DNAJB12: variants seen among roughly 807,000 people sequenced by gnomAD.
DNAJB12 encodes the protein dnaJ homolog subfamily B member 12.
Under a neutral mutation model 40.6 loss-of-function variants are expected in DNAJB12, and 14 were observed. The ratio of observed to expected loss-of-function variants is 0.34; its 90% confidence interval spans 0.23 to 0.54. The LOEUF is 0.54. Ranked by LOEUF, DNAJB12 falls within the 20% of genes least tolerant of loss-of-function variation. The pLI is 0.92. For missense variants in DNAJB12, 444 were observed against 501.7 expected (o/e 0.89, Z 1.10); for synonymous variants, 181 against 199.5 (o/e 0.91, Z 0.78).
chr10:72,346,626 A>C (rs1001354624), intron 1 of DNAJB12, among the ~76,000 whole-genome samples: 1 of 149,992 alleles, frequency 6.7e-6, no homozygotes. Flanking sequence ...TGCCCGGCCT[A>C]ATTTTTGTAT....
At position 72,343,352 on chromosome 10, in the gene DNAJB12, C is replaced by T. The variant is rs1861689062; in HGVS notation, c.457+14G>A. The T allele has an allele frequency of 1.9e-6, 3 of 1,610,326 alleles. No homozygotes were observed. Among genetic ancestry groups the T allele is most frequent in the South Asian group, 2.2e-5 (2 of 90,388 alleles). On this transcript the variant is annotated intron_variant, in intron 3 of 8. Transcript: ENST00000444643. The stretch of plus-strand genomic sequence containing the variant: ...TGAACACACCAAAATGCTAGGAAAG[C>T]AGGGCTGGCTTACCTTTGAAGGCTT...
intron 1 of DNAJB12, among the ~76,000 whole-genome samples, chr10:72,349,615 G>C (rs1861884996): frequency 6.6e-6 from 1 of 152,172 alleles, no homozygotes; most frequent in African/African-American, 2.4e-5. Flanking sequence ...GGCTGAGCCT[G>C]GCAGATCCTA....
intron 2 of DNAJB12, 66 bp downstream of exon 2, chr10:72,344,868 GATGGGAGGTGGAGGAC>G: frequency 6.5e-7 from 1 of 1,529,176 alleles, no homozygotes; most frequent in Non-Finnish European, 9.0e-7. Context: ...CCCACAGGCA[GATGGGAGGTGGAGGAC>G]ATGCTCCAGG....
chr10:72,335,026 T>A lies in DNAJB12; in HGVS notation c.*31-409A>T. 1 of 1,042,114 alleles carries A rather than the reference T, an allele frequency of 9.6e-7. No homozygotes were observed. The highest frequency in any genetic ancestry group is 3.7e-5 in the South Asian group (1 of 26,976). 64.6% of individuals were successfully genotyped at this position (1,042,114 alleles called of 1,614,324 possible). A position where few individuals can be genotyped will look rare whatever the true frequency, so the allele number is the denominator to read the frequency against. ...GCAACTCTCATTTCCCCTCCACCCC[T>A]CCTGTGCTGAGCGGCTGCGTCTGAC... On this transcript the variant is annotated intron_variant, in intron 8 of 8. Transcript: ENST00000444643. The surrounding 1 kb of genome is among the most constrained non-coding windows in gnomAD (Gnocchi z 4.4).
chr10:72,338,273 G>A lies in DNAJB12; in HGVS notation c.762C>T (p.Leu254=). The change falls in exon 6 of 9, where the codon CTC becomes CTT. Residue 254 remains leucine (L), a synonymous_variant. Coordinates refer to ENST00000444643, the MANE Select transcript of DNAJB12 (RefSeq NM_017626.7). Reference sequence around the variant, plus strand: ...TGAGAGCTGACACGAGAATCAGGATGAGGATAGGCATCAGCTGCACAAACA... The same window carrying A: ...TGAGAGCTGACACGAGAATCAGGATAAGGATAGGCATCAGCTGCACAAACA... ...LGVFVQLMPI[L]ILILVSALSQ... 1 of 1,614,098 alleles carries A rather than the reference G, an allele frequency of 6.2e-7. No individual in the cohort carries two copies. Among genetic ancestry groups the A allele is most frequent in the Non-Finnish European group, 8.5e-7 (1 of 1,179,988 alleles).
chr10:72,346,423 T>G (rs1304304422), intron 1 of DNAJB12, among the ~76,000 whole-genome samples: 2 of 152,162 alleles, frequency 1.3e-5, no homozygotes, highest in Non-Finnish European at 2.9e-5. Flanking sequence ...CCTCCTGGGT[T>G]CAAGCAATTC....
chr10:72,345,221 A>G (rs1452179271), intron 1 of DNAJB12, 94 bp from the exon 2 acceptor site: 1 of 1,459,596 alleles, frequency 6.9e-7, no homozygotes, highest in East Asian at 2.3e-5. Context: ...TTCCCCTCCC[A>G]GCAAAGCCAC....
intron 2 of DNAJB12, among the ~76,000 whole-genome samples, chr10:72,344,423 C>T (rs771987705): frequency 3.9e-5 from 6 of 152,202 alleles, no homozygotes; most frequent in Non-Finnish European, 5.9e-5. Flanking sequence ...GAGCTGGGAA[C>T]GTCTAAGCCT....
intron 5 of DNAJB12, among the ~76,000 whole-genome samples, chr10:72,338,530 T>G (rs78167085): frequency 6.6e-6 from 1 of 150,984 alleles, no homozygotes; most frequent in Non-Finnish European, 1.5e-5. Flanking sequence ...GGAAGTGAGG[T>G]GTCTGCATTT....
chr10:72,334,922 T>C, intron 8 of DNAJB12: 1 of 1,218,318 alleles, frequency 8.2e-7, no homozygotes, highest in Non-Finnish European at 1.0e-6. Flanking sequence ...TTGGCTGAAG[T>C]GGCCACCTCT....
intron 5 of DNAJB12, among the ~76,000 whole-genome samples, chr10:72,339,336 C>A (rs1404413483): frequency 1.3e-5 from 2 of 151,206 alleles, no homozygotes; most frequent in Non-Finnish European, 2.9e-5. Flanking sequence ...GAGTTCGAGA[C>A]CAGCCTGGCC....
intron 1 of DNAJB12, 103 bp downstream of exon 1, chr10:72,354,662 G>A: frequency 2.7e-6 from 3 of 1,128,552 alleles, no homozygotes; most frequent in African/African-American, 1.6e-5. Context: ...GCGTAGCCGC[G>A]CCTCGCCACC....
chr10:72,333,010 G>T lies in DNAJB12; in HGVS notation c.*1638C>A, dbSNP rs994611255. On this transcript the variant is annotated 3_prime_UTR_variant, in exon 9 of 9. Transcript: ENST00000444643. ...GGGGGCAGAGCACCGGGGCCACAGT[G>T]GGTAGGCACTCTGGCCACATCAGTT... is the stretch of plus-strand genomic sequence containing the variant. The T allele has an allele frequency of 6.6e-6, 1 of 152,668 alleles. No homozygotes were observed. Among genetic ancestry groups the T allele is most frequent in the Non-Finnish European group, 1.5e-5 (1 of 68,068 alleles). The allele number at this position is 152,668 out of a possible 1,614,324, so 9.5% of individuals were successfully genotyped here.
chr10:72,337,840 G>A (rs1003636730), intron 6 of DNAJB12, among the ~76,000 whole-genome samples: 3 of 152,122 alleles, frequency 2.0e-5, no homozygotes, highest in Admixed American at 1.3e-4. Context: ...CAAAGCCGCC[G>A]AAATTATATG....
chr10:72,345,890 T>C (rs1243387957), intron 1 of DNAJB12, among the ~76,000 whole-genome samples: 1 of 133,780 alleles, frequency 7.5e-6, no homozygotes, highest in Admixed American at 7.6e-5. Context: ...CAAGGATCTG[T>C]CTCAAAAAAA....
Position 72,335,224 on chromosome 10 carries a change from C to T in DNAJB12, c.*30+556G>A, listed in dbSNP as rs1374238127. On this transcript the variant is annotated intron_variant, in intron 8 of 8. Transcript: ENST00000444643. This position sits in a 1 kb window ranked among gnomAD's most constrained non-coding sequence, Gnocchi z 4.4. ...CGGCCCCTGCCGCCACCAAGACTGC[C>T]AGCTCCCACCCACCTCGTGGCTGCC... 4.1e-6 allele frequency: 4 copies of T among 986,728 alleles called. No homozygotes were observed. Among genetic ancestry groups the T allele is most frequent in the Middle Eastern group, 5.2e-4 (1 of 1,938 alleles). 61.1% of individuals were successfully genotyped at this position (986,728 alleles called of 1,614,324 possible). A position where few individuals can be genotyped will look rare whatever the true frequency, so the allele number is the denominator to read the frequency against.
intron 5 of DNAJB12, among the ~76,000 whole-genome samples, chr10:72,340,109 C>G (rs1451468304): frequency 6.6e-6 from 1 of 152,160 alleles, no homozygotes; most frequent in East Asian, 1.9e-4. Flanking sequence ...CTTTGGGAGG[C>G]TGAGGCGGGT....
Position 72,336,680 on chromosome 10 carries a change from G to A in DNAJB12, c.850C>T (p.His284Tyr). The part of the protein sequence containing the change: ...LSPRPSVGHI[H>Y]RRVTDHLGVV... ...CCCAGGTGGTCAGTGACTCGCCTGT[G>A]GATGTGGCCCACGGACCTGGCCAGA... is the stretch of plus-strand genomic sequence containing the variant. The change falls in exon 7 of 9, where the codon CAC becomes TAC. Residue 284 changes from histidine (H) to tyrosine (Y), a missense_variant. Transcript: ENST00000444643. The A allele has an allele frequency of 6.2e-7, 1 of 1,614,048 alleles. No homozygotes were observed. The highest frequency in any genetic ancestry group is 1.6e-4 in the Middle Eastern group (1 of 6,062).
chr10:72,347,183 A>G (rs1242850817), intron 1 of DNAJB12, among the ~76,000 whole-genome samples: 6 of 151,710 alleles, frequency 4.0e-5, no homozygotes, highest in Non-Finnish European at 8.8e-5. Flanking sequence ...CTGGTTTCGA[A>G]CTCCTGACCT....
Sources: allele counts gnomAD v4.1 joint callset (sites outside exome capture counted in the v4.1 genomes callset), GRCh38; gene constraint gnomAD v4.1.1; non-coding constraint Gnocchi (gnomAD v3.1); transcripts MANE v1.5; gene names NCBI Gene and HGNC (gene_info 2026-07-23, HGNC 2026-07-21).